ASTN2: variants seen among roughly 807,000 people sequenced by gnomAD.
The protein encoded by ASTN2 is astrotactin-2.
In ASTN2, 54 loss-of-function variants were observed where a neutral mutation model predicts 139.8. That is an observed-to-expected ratio of 0.39 (90% confidence interval 0.31 to 0.48). ASTN2 has a LOEUF of 0.48. Among genes scored for constraint, ASTN2 ranks in the 20% least tolerant of loss-of-function variants. The pLI is 0.95. For synonymous variants in ASTN2, 756 were observed against 719.5 expected (o/e 1.05, Z -0.81); for missense variants, 1,565 against 1,725.1 (o/e 0.91, Z 1.64).
intron 12 of ASTN2, among the ~76,000 whole-genome samples, chr9:116,815,351 G>C (rs1831281221): frequency 6.6e-6 from 1 of 152,146 alleles, no homozygotes; most frequent in Non-Finnish European, 1.5e-5. Context: ...TGTTATTTGA[G>C]CTAATGTGTT....
At chr9:116,976,088 A>G (rs201414401) in intron 9 of ASTN2, 26 bp downstream of exon 9, 60 of 1,608,048 alleles carry the variant, frequency 3.7e-5, no homozygotes, top group Admixed American at 1.2e-4. Context: ...TCCCAGAATT[A>G]TGCCCCAACA....
At chr9:116,514,892 G>A (rs1587919653) in intron 19 of ASTN2, among the ~76,000 whole-genome samples, 3 of 152,150 alleles carry the variant, frequency 2.0e-5, no homozygotes, top group South Asian at 4.1e-4. Flanking sequence ...GGTGCCATCT[G>A]TCACAGTTTT....
chr9:116,493,521 A>C (rs1485679769), intron 19 of ASTN2, among the ~76,000 whole-genome samples: 1 of 152,162 alleles, frequency 6.6e-6, no homozygotes, highest in Non-Finnish European at 1.5e-5. Flanking sequence ...AGAAAATGTT[A>C]ATCATGATTC....
Position 116,725,917 on chromosome 9 carries a change from T to A in ASTN2, c.2660A>T (p.Glu887Val). The A allele has an allele frequency of 6.2e-7, 1 of 1,613,826 alleles. No homozygotes were observed. The highest frequency in any genetic ancestry group is 8.5e-7 in the Non-Finnish European group (1 of 1,179,908). ...FTNVLKILTK[E>V]SSREELLSFI... The stretch of plus-strand genomic sequence containing the variant: ...GGACAGCAGCTCCTCCCGACTGCTC[T>A]CCTTGGTCAGGATCTTGAGAACATT... Residue 887 changes from glutamate to valine, a missense_variant, in exon 16 of 23, where the codon GAG becomes GTG. By Grantham distance (121) the Glu-to-Val change is moderately radical (BLOSUM62 -2). Transcript: ENST00000313400.
At chr9:117,071,088 G>A (rs1174139409) in intron 5 of ASTN2, among the ~76,000 whole-genome samples, 4 of 148,278 alleles carry the variant, frequency 2.7e-5, no homozygotes, top group Non-Finnish European at 6.0e-5. Context: ...GAGGCGCTCT[G>A]ATTTTTAGAG....
chr9:116,727,121 C>G, intron 15 of ASTN2, among the ~76,000 whole-genome samples: 1 of 152,024 alleles, frequency 6.6e-6, no homozygotes, highest in Non-Finnish European at 1.5e-5. Context: ...GAAGTCACCT[C>G]TTCTCCAAGA....
intron 2 of ASTN2, among the ~76,000 whole-genome samples, chr9:117,239,816 CAA>C (rs1322419516): frequency 6.6e-6 from 1 of 152,074 alleles, no homozygotes; most frequent in Non-Finnish European, 1.5e-5. Flanking sequence ...CAAGTGAATG[CAA>C]AAAGATAGGT....
At chr9:117,384,542 C>T (rs10983641) in intron 1 of ASTN2, among the ~76,000 whole-genome samples, 34 of 152,184 alleles carry the variant, frequency 2.2e-4, no homozygotes, top group Non-Finnish European at 4.4e-4. Context: ...TATTTCAGCT[C>T]TAATGTTCTT....
chr9:116,483,812 T>C (rs748649632), intron 20 of ASTN2, among the ~76,000 whole-genome samples: 1 of 152,134 alleles, frequency 6.6e-6, no homozygotes, highest in Non-Finnish European at 1.5e-5. Flanking sequence ...ACCTTGATTT[T>C]AAAGATGCTG....
intron 11 of ASTN2, among the ~76,000 whole-genome samples, chr9:116,832,339 C>G (rs1831837636): frequency 6.6e-6 from 1 of 151,954 alleles, no homozygotes; most frequent in African/African-American, 2.4e-5. Context: ...ATGCCTTCTT[C>G]CTTTTTTGAT....
In ASTN2 at chr9:116,832,539, A is replaced by AT. The variant is rs913617331; in HGVS notation, c.2041-11757dup. ...GTTGAGTAAGTTCTCTTCTATTCTT[A>AT]TTTTTTTTTTGAAAGTTTTAAAAAT... On this transcript the variant is annotated intron_variant, in intron 11 of 22. Coordinates refer to ENST00000313400, the MANE Select transcript of ASTN2 (RefSeq NM_001365068.1). 7.5e-3 allele frequency among the ~76,000 whole-genome samples: 1,110 copies of AT among 148,244 alleles called. 10 individuals carry two copies. The highest frequency in any genetic ancestry group is 0.025 in the African/African-American group (1,004 of 40,536).
Position 116,716,853 on chromosome 9 carries a change from G to A in ASTN2, c.2806+8918C>T, listed in dbSNP as rs1368393337. ...ATTTTCACCCCTGCTCAAGCTGAAGGTCTAAATTCCAAGTCTTAGCTTTCC... is the reference window on the plus strand; with the variant it reads ...ATTTTCACCCCTGCTCAAGCTGAAGATCTAAATTCCAAGTCTTAGCTTTCC... On this transcript the variant is annotated intron_variant, in intron 16 of 22. Transcript: ENST00000313400. Among the ~76,000 whole-genome samples the A allele has an allele frequency of 2.0e-5, 3 of 152,184 alleles. No individual in the cohort carries two copies. The South Asian group carries it at 6.2e-4, about 32-fold the overall frequency.
At chr9:117,141,945 A>G (rs762744733) in intron 3 of ASTN2, among the ~76,000 whole-genome samples, 1 of 152,208 alleles carries the variant, frequency 6.6e-6, no homozygotes, top group Non-Finnish European at 1.5e-5. Context: ...ATTTAGGATG[A>G]GACCTTAAAG....
chr9:117,108,349 A>G (rs1194172922), intron 4 of ASTN2, among the ~76,000 whole-genome samples: 1 of 152,054 alleles, frequency 6.6e-6, no homozygotes, highest in Non-Finnish European at 1.5e-5. Context: ...ACTCTTTGAG[A>G]ACATGTAATT....
chr9:116,852,502 A>G (rs1832632495), intron 11 of ASTN2, among the ~76,000 whole-genome samples: 1 of 152,146 alleles, frequency 6.6e-6, no homozygotes, highest in South Asian at 2.1e-4. Context: ...TTTCTCAATG[A>G]GGAGAAAGGC....
Position 117,214,724 on chromosome 9 carries a change from G to A in ASTN2, c.649C>T (p.Leu217=), listed in dbSNP as rs1832255389. Residue 217 remains leucine, a synonymous_variant, in exon 3 of 23, where the codon CTG becomes TTG. Transcript: ENST00000313400. ...ISVMGGLIAL[L]LLLLVFTVAL... ...ACGGTGAACACCAGCAGCAGCAGCA[G>A]CAGCGCGATGAGGCCACCCTGGAGC... 2 of 1,506,212 alleles carry A rather than the reference G, an allele frequency of 1.3e-6. No individual in the cohort carries two copies. Among genetic ancestry groups the A allele is most frequent in the African/African-American group, 1.4e-5 (1 of 72,184 alleles). The allele number at this position is 1,506,212 out of a possible 1,614,324, so 93.3% of individuals were successfully genotyped here. A position where few individuals can be genotyped will look rare whatever the true frequency, so the allele number is the denominator to read the frequency against.
chr9:117,262,880 C>A (rs1016632460), intron 2 of ASTN2, among the ~76,000 whole-genome samples: 2 of 152,086 alleles, frequency 1.3e-5, no homozygotes, highest in Admixed American at 1.3e-4. Context: ...CTAGTATTGG[C>A]TTTGCAGATG....
At chr9:117,164,290 G>A (rs1309124473) in intron 3 of ASTN2, among the ~76,000 whole-genome samples, 1 of 151,982 alleles carries the variant, frequency 6.6e-6, no homozygotes, top group Non-Finnish European at 1.5e-5. Flanking sequence ...CTGCCCCTAA[G>A]TTCAGCACTC....
intron 17 of ASTN2, among the ~76,000 whole-genome samples, chr9:116,647,504 A>T (rs1857656723): frequency 6.6e-6 from 1 of 152,192 alleles, no homozygotes; most frequent in Admixed American, 6.5e-5. Flanking sequence ...GAATATTTCA[A>T]TGATGCTGAG....
Sources: allele counts gnomAD v4.1 joint callset (sites outside exome capture counted in the v4.1 genomes callset), GRCh38; gene constraint gnomAD v4.1.1; transcripts MANE v1.5; gene names NCBI Gene and HGNC (gene_info 2026-07-23, HGNC 2026-07-21).